ANO1: variants seen among roughly 807,000 people sequenced by gnomAD.
ANO1 encodes the protein anoctamin 1, also known as anoctamin-1.
A neutral mutation model predicts 124.0 loss-of-function variants in ANO1; 59 were observed. That is an observed-to-expected ratio of 0.48 (90% CI 0.39 to 0.59). ANO1 has a LOEUF of 0.59. ANO1 is among the 20% of genes least tolerant of loss of function. The pLI is 0.00. For synonymous variants in ANO1, 529 were observed against 532.0 expected (o/e 0.99, Z 0.08); for missense variants, 1,059 against 1,328.0 (o/e 0.80, Z 3.15).
intron 22 of ANO1, among the ~76,000 whole-genome samples, chr11:70,177,463 G>A (rs2048747529): frequency 6.6e-6 from 1 of 152,228 alleles, no homozygotes; most frequent in Non-Finnish European, 1.5e-5. Flanking sequence ...AGCACAGACA[G>A]CAGAGCTGCG....
chr11:70,097,617 T>A (rs956714765), intron 2 of ANO1, among the ~76,000 whole-genome samples: 2 of 152,208 alleles, frequency 1.3e-5, no homozygotes, highest in Non-Finnish European at 1.5e-5. Flanking sequence ...TTCATGGGCC[T>A]GGGACAAGGG....
Position 70,165,586 on chromosome 11 carries a change from CG to C in ANO1, c.2051+19del. On this transcript the variant is annotated intron_variant, in intron 20 of 25. Coordinates refer to ENST00000355303, the MANE Select transcript of ANO1 (RefSeq NM_018043.7). The stretch of plus-strand genomic sequence containing the variant: ...TCGGCATCCCGTGAGTGTGCTGCAG[CG>C]GGTTAGAGCGGCAGGGGCGGGGCCA... 1 of 1,599,404 alleles carries C rather than the reference CG, an allele frequency of 6.3e-7. No individual in the cohort carries two copies. Among genetic ancestry groups the C allele is most frequent in the Non-Finnish European group, 8.5e-7 (1 of 1,171,458 alleles).
intron 8 of ANO1, among the ~76,000 whole-genome samples, chr11:70,120,926 G>T (rs34837152): frequency 6.6e-6 from 1 of 152,068 alleles, no homozygotes; most frequent in Non-Finnish European, 1.5e-5. Flanking sequence ...CCTGCTCACC[G>T]GGGCTAAGGT....
At chr11:70,129,768 C>G (rs576691455) in intron 10 of ANO1, 1 of 152,364 alleles carries the variant, frequency 6.6e-6, no homozygotes, top group African/African-American at 2.4e-5. Flanking sequence ...GGATTACAGG[C>G]TGGGATTACA....
chr11:70,088,084 C>T lies in ANO1; in HGVS notation c.441C>T (p.Asp147=), dbSNP rs781298945. 1.1e-5 allele frequency: 15 copies of T among 1,311,510 alleles called. No individual in the cohort carries two copies. The Admixed American group carries it at 1.5e-4, about 13-fold the overall frequency. 81.2% of individuals were successfully genotyped at this position (1,311,510 alleles called of 1,614,324 possible). A position where few individuals can be genotyped will look rare whatever the true frequency, so the allele number is the denominator to read the frequency against. ...GCCTGGAGCTGGAGCGGGACGAGGA[C>T]GTAACTATCTCACTGCGCGCTGTTT... ...EAGLELERDE[D]TKIHGVGFVK... is the part of the protein sequence containing the mutation. Residue 147 remains aspartate, a splice_region_variant and synonymous_variant, in exon 2 of 26, where the codon GAC becomes GAT. Coordinates refer to ENST00000355303, the MANE Select transcript of ANO1 (RefSeq NM_018043.7).
chr11:70,143,850 C>T (rs987801536), intron 11 of ANO1, among the ~76,000 whole-genome samples: 2 of 152,204 alleles, frequency 1.3e-5, no homozygotes, highest in Non-Finnish European at 2.9e-5. Context: ...GAAATTCACA[C>T]AACATAAAAT....
intron 2 of ANO1, among the ~76,000 whole-genome samples, chr11:70,098,966 T>C (rs1021060987): frequency 3.9e-5 from 6 of 152,196 alleles, no homozygotes; most frequent in African/African-American, 1.4e-4. Flanking sequence ...GAGGGAGGTT[T>C]CCGCCGGCAT....
rs536864740 is a variant in ANO1, at chr11:70,079,719, A to G, written c.108+1005A>G. 2.6e-5 allele frequency among the ~76,000 whole-genome samples: 4 copies of G among 152,332 alleles called. No homozygotes were observed. In the East Asian group the frequency reaches 7.7e-4, roughly 29 times the overall value. ...GCGTCAGGCCCAGCAGGGCTGCTTC[A>G]AGCAGGATGAGGATGGCCCTGGCCT... On this transcript the variant is annotated intron_variant, in intron 1 of 25. Coordinates refer to ENST00000355303, the MANE Select transcript of ANO1 (RefSeq NM_018043.7).
the ANO1 span, among the ~76,000 whole-genome samples, chr11:69,980,629 C>A: frequency 6.7e-6 from 1 of 150,218 alleles, no homozygotes; most frequent in African/African-American, 2.5e-5. Context: ...AAAAAAAAAA[C>A]AAAAAACTGT....
chr11:70,096,060 G>A (rs1328424259), intron 2 of ANO1, among the ~76,000 whole-genome samples: 1 of 152,186 alleles, frequency 6.6e-6, no homozygotes, highest in Admixed American at 6.5e-5. Flanking sequence ...TTCTATCTCG[G>A]TCACTTCAGC....
At chr11:70,149,540 A>ACT (rs1332996890) in intron 11 of ANO1, 170 bp from the exon 12 acceptor site, 1 of 616,488 alleles carries the variant, frequency 1.6e-6, no homozygotes, top group Admixed American at 2.8e-5. Flanking sequence ...AATCCCAGCT[A>ACT]CTCGGGAGGC....
intron 1 of ANO1, among the ~76,000 whole-genome samples, chr11:69,993,653 C>A (rs1856199665): frequency 6.6e-6 from 1 of 152,174 alleles, no homozygotes; most frequent in South Asian, 2.1e-4. Flanking sequence ...GGTTTGTGTC[C>A]CCACTTCCAG....
In ANO1 at chr11:70,087,787, G is replaced by A; in HGVS notation, c.144G>A (p.Glu48=). 6.2e-7 allele frequency: 1 copy of A among 1,610,670 alleles called. No homozygotes were observed. The highest frequency in any genetic ancestry group is 8.5e-7 in the Non-Finnish European group (1 of 1,178,340). The change falls in exon 2 of 26, where the codon GAG becomes GAA. Residue 48 remains glutamate (E), a synonymous_variant. Coordinates refer to ENST00000355303, the MANE Select transcript of ANO1 (RefSeq NM_018043.7). Reference sequence around the variant, plus strand: ...CCTTATCTGTGGACCCTGATGCCGAGTGCAAGTATGGCCTGTACTTCAGGG... The same window carrying A: ...CCTTATCTGTGGACCCTGATGCCGAATGCAAGTATGGCCTGTACTTCAGGG... The part of the protein sequence containing the change: ...LNSLSVDPDA[E]CKYGLYFRDG...
chr11:70,008,785 G>A (rs576020094), intron 1 of ANO1, among the ~76,000 whole-genome samples: 1 of 152,228 alleles, frequency 6.6e-6, no homozygotes, highest in South Asian at 2.1e-4. Flanking sequence ...ACCTTACAAA[G>A]AGTGATTGTG....
At chr11:69,999,031 CA>C (rs141040946) in intron 1 of ANO1, among the ~76,000 whole-genome samples, 15,037 of 127,934 alleles carry the variant, frequency 0.12, 765 homozygotes, top group Middle Eastern at 0.19. Context: ...GAGACTGTCT[CA>C]AAAAAAAAAA....
Position 70,181,654 on chromosome 11 carries a change from C to T in ANO1, c.2404-848C>T, listed in dbSNP as rs1442792026. Reference sequence around the variant, plus strand: ...AACAACAATAACAGCAGGCTGGGCCCGGTGGCTCACACCTGTAATCCCAGC... The same window carrying T: ...AACAACAATAACAGCAGGCTGGGCCTGGTGGCTCACACCTGTAATCCCAGC... On this transcript the variant is annotated intron_variant, in intron 23 of 25. Coordinates refer to ENST00000355303, the MANE Select transcript of ANO1 (RefSeq NM_018043.7). Among the ~76,000 whole-genome samples the T allele has an allele frequency of 3.3e-5, 5 of 152,220 alleles. 1 individual carries two copies. Among genetic ancestry groups the T allele is most frequent in the Middle Eastern group, 6.8e-3 (2 of 294 alleles).
At chr11:70,090,236 T>A (rs1235540389) in intron 2 of ANO1, among the ~76,000 whole-genome samples, 2 of 152,338 alleles carry the variant, frequency 1.3e-5, no homozygotes, top group Admixed American at 1.3e-4. Flanking sequence ...CTCGATCTCC[T>A]GATCTCGTGG....
At chr11:70,088,743 G>A (rs983048017) in intron 2 of ANO1, among the ~76,000 whole-genome samples, 5 of 152,062 alleles carry the variant, frequency 3.3e-5, no homozygotes, top group Admixed American at 3.3e-4. Context: ...GGGGGAGGGA[G>A]GACAAAGCTC....
chr11:70,069,943 A>C (rs76745474), intron 1 of ANO1, among the ~76,000 whole-genome samples: 14,717 of 152,272 alleles, frequency 0.097, 999 homozygotes, highest in Admixed American at 0.18. Flanking sequence ...AAGGATGTGC[A>C]TGCATGTACT....
Sources: gnomAD v4.1 joint callset for allele counts (sites outside exome capture counted in the v4.1 genomes callset) on GRCh38, gnomAD v4.1.1 for gene constraint, MANE v1.5 for transcripts, NCBI Gene and HGNC (gene_info 2026-07-23, HGNC 2026-07-21) for gene names.